The following SGCD variants were observed in gnomAD, a reference collection of about 807,000 sequenced individuals.
SGCD encodes the protein sarcoglycan delta.
In SGCD, 18 loss-of-function variants were observed where a neutral mutation model predicts 36.6. The observed-to-expected ratio is 0.49, with a 90% CI of 0.34 to 0.73. The LOEUF (loss-of-function observed/expected upper bound fraction) is 0.73, where lower values mean the gene tolerates loss of function less well. Among genes scored for constraint, SGCD ranks in the 30% least tolerant of loss-of-function variants. The pLI is 0.01. For synonymous variants in SGCD, 133 were observed against 130.6 expected (o/e 1.02, Z -0.12); for missense variants, 387 against 346.7 (o/e 1.12, Z -0.92).
intron 1 of SGCD, among the ~76,000 whole-genome samples, chr5:155,993,725 C>T (rs1758482536): frequency 6.6e-6 from 1 of 152,132 alleles, no homozygotes; most frequent in Non-Finnish European, 1.5e-5. Flanking sequence ...GTCAGAATAT[C>T]TTGCCCATGG....
At chr5:155,912,537 C>T (rs932196445) in intron 1 of SGCD, among the ~76,000 whole-genome samples, 8 of 152,238 alleles carry the variant, frequency 5.3e-5, no homozygotes, top group African/African-American at 1.2e-4. Flanking sequence ...GCTCCGTGTG[C>T]GGCAACCACA....
At chr5:156,201,926 G>A (rs1008108093) in intron 3 of SGCD, among the ~76,000 whole-genome samples, 19 of 152,132 alleles carry the variant, frequency 1.2e-4, no homozygotes, top group African/African-American at 4.3e-4. Flanking sequence ...AGCTAATGAG[G>A]CCACAGGAGA....
chr5:155,746,416 A>G, the SGCD span, among the ~76,000 whole-genome samples: 1 of 152,038 alleles, frequency 6.6e-6, no homozygotes, highest in Non-Finnish European at 1.5e-5. Flanking sequence ...ACTCCAGGAG[A>G]GGAGTGGGCT....
At chr5:156,545,822 G>A (rs1758550420) in intron 4 of SGCD, among the ~76,000 whole-genome samples, 1 of 152,174 alleles carries the variant, frequency 6.6e-6, no homozygotes, top group Admixed American at 6.5e-5. Flanking sequence ...GGATATGTCT[G>A]CGGGAAGCCC....
intron 7 of SGCD, among the ~76,000 whole-genome samples, chr5:156,691,786 C>A (rs1754120552): frequency 6.6e-6 from 1 of 152,132 alleles, no homozygotes; most frequent in South Asian, 2.1e-4. Context: ...CCCCAGCAAC[C>A]GAATTAGCAT....
intron 7 of SGCD, among the ~76,000 whole-genome samples, chr5:156,672,961 A>G (rs1025928557): frequency 2.6e-5 from 4 of 152,154 alleles, no homozygotes; most frequent in African/African-American, 4.8e-5. Flanking sequence ...TAACCTAAGG[A>G]CATCTTTCTT....
intron 3 of SGCD, among the ~76,000 whole-genome samples, chr5:156,317,781 G>T (rs533242605): frequency 6.6e-6 from 1 of 152,292 alleles, no homozygotes; most frequent in Non-Finnish European, 1.5e-5. Flanking sequence ...TGTGGCTCTT[G>T]TAATAATAGA....
rs145189189 is a variant in SGCD, at chr5:156,283,985, A to T, written c.-43-45549A>T. On this transcript the variant is annotated intron_variant, in intron 3 of 9. Transcript: ENST00000517913. ...GCTTTCTTGAATTGTTAATTTGTGTATGTACATGGGTAACTTCTTAGGGAT... is the reference window on the plus strand; with the variant it reads ...GCTTTCTTGAATTGTTAATTTGTGTTTGTACATGGGTAACTTCTTAGGGAT... Among the ~76,000 whole-genome samples the T allele has an allele frequency of 2.5e-4, 38 of 152,308 alleles. No individual in the cohort carries two copies. The East Asian group carries it at 2.7e-3, about 11-fold the overall frequency.
intron 1 of SGCD, among the ~76,000 whole-genome samples, chr5:156,032,451 G>T (rs574313301): frequency 6.6e-6 from 1 of 151,472 alleles, no homozygotes; most frequent in African/African-American, 2.4e-5. Context: ...GGGCACAGTG[G>T]CTCACACCTG....
chr5:156,555,222 G>T (rs1216855403), intron 4 of SGCD, among the ~76,000 whole-genome samples: 1 of 151,962 alleles, frequency 6.6e-6, no homozygotes, highest in Non-Finnish European at 1.5e-5. Context: ...TTTTATTTTT[G>T]ATGAAGTCCA....
At chr5:155,897,377 A>G (rs1036650609) in intron 1 of SGCD, among the ~76,000 whole-genome samples, 2 of 152,250 alleles carry the variant, frequency 1.3e-5, no homozygotes, top group Non-Finnish European at 2.9e-5. Context: ...TGAGTGAGTT[A>G]GTGAGTGCTG....
chr5:156,307,762 A>G (rs915078740), intron 3 of SGCD, among the ~76,000 whole-genome samples: 1 of 151,740 alleles, frequency 6.6e-6, no homozygotes, highest in Non-Finnish European at 1.5e-5. Context: ...TATCAGGTTA[A>G]CTTCAATAAC....
At chr5:156,000,799 C>CATATATATATATAT (rs145379741) in intron 1 of SGCD, among the ~76,000 whole-genome samples, 61 of 145,280 alleles carry the variant, frequency 4.2e-4, no homozygotes, top group African/African-American at 1.4e-3. Flanking sequence ...TTTCCTCACA[C>CATATATATATATAT]ATATATATAT....
chr5:155,763,592 T>C, the SGCD span, among the ~76,000 whole-genome samples: 2 of 152,066 alleles, frequency 1.3e-5, no homozygotes, highest in South Asian at 4.1e-4. Flanking sequence ...TCATTTGTAA[T>C]AGACAATAGA....
At chr5:156,360,834 C>CCTTAGA (rs1374504350) in intron 3 of SGCD, among the ~76,000 whole-genome samples, 8 of 152,084 alleles carry the variant, frequency 5.3e-5, no homozygotes, top group African/African-American at 1.9e-4. Context: ...TTAGCCTTCA[C>CCTTAGA]CATCCTTCAG....
intron 3 of SGCD, among the ~76,000 whole-genome samples, chr5:156,307,974 AT>A (rs770545028): frequency 5.3e-5 from 8 of 151,958 alleles, no homozygotes; most frequent in Non-Finnish European, 1.2e-4. Context: ...TTTTAAAAAA[AT>A]ATATTATTTT....
chr5:156,185,340 G>A (rs889906228), intron 3 of SGCD, among the ~76,000 whole-genome samples: 4 of 149,386 alleles, frequency 2.7e-5, no homozygotes, highest in South Asian at 2.1e-4. Flanking sequence ...TCAGCCTCCC[G>A]AGTAGCTGGG....
At chr5:156,309,601 A>ATTT (rs3043458) in intron 3 of SGCD, among the ~76,000 whole-genome samples, 1 of 121,132 alleles carries the variant, frequency 8.3e-6, no homozygotes, top group Non-Finnish European at 1.7e-5. Flanking sequence ...ATCTTTGAGC[A>ATTT]TTTTTTTTTT....
At chr5:156,126,662 C>G (rs1458504970) in intron 3 of SGCD, among the ~76,000 whole-genome samples, 1 of 152,160 alleles carries the variant, frequency 6.6e-6, no homozygotes, top group African/African-American at 2.4e-5. Flanking sequence ...CTCCTGTGCT[C>G]TGGTGCATGG....
Sources: gnomAD v4.1 joint callset for allele counts (sites outside exome capture counted in the v4.1 genomes callset) on GRCh38, gnomAD v4.1.1 for gene constraint, MANE v1.5 for transcripts, NCBI Gene and HGNC (gene_info 2026-07-23, HGNC 2026-07-21) for gene names.